The following SCFD2 variants were observed in gnomAD, a reference collection of about 807,000 sequenced individuals.
The protein encoded by SCFD2 is sec1 family domain containing 2.
Under a neutral mutation model 58.9 loss-of-function variants are expected in SCFD2, and 54 were observed. The ratio of observed to expected loss-of-function variants is 0.92; its 90% confidence interval spans 0.74 to 1.15. SCFD2 has a LOEUF of 1.15. Among genes scored for constraint, SCFD2 ranks in the 50% most tolerant of loss-of-function variants. The pLI is 0.00. For synonymous variants in SCFD2, 321 were observed against 335.9 expected (o/e 0.96, Z 0.49); for missense variants, 805 against 836.6 (o/e 0.96, Z 0.47).
chr4:53,297,463 G>A (rs561495484), intron 3 of SCFD2, among the ~76,000 whole-genome samples: 36 of 146,104 alleles, frequency 2.5e-4, no homozygotes, highest in Middle Eastern at 3.5e-3. Flanking sequence ...GCAACCCTTG[G>A]TTTTTTTTTT....
chr4:52,977,969 G>A (rs1577874995), intron 5 of SCFD2, among the ~76,000 whole-genome samples: 2 of 152,174 alleles, frequency 1.3e-5, no homozygotes, highest in East Asian at 3.9e-4. Context: ...GATTCAGGGT[G>A]ATTTTATTAC....
chr4:53,055,407 T>C (rs1312962090), intron 5 of SCFD2, among the ~76,000 whole-genome samples: 5 of 152,158 alleles, frequency 3.3e-5, no homozygotes, highest in South Asian at 2.1e-4. Flanking sequence ...TGTTCACTTA[T>C]AGCATTTAAA....
intron 4 of SCFD2, among the ~76,000 whole-genome samples, chr4:53,193,962 C>T (rs954307199): frequency 9.2e-5 from 14 of 152,200 alleles, no homozygotes; most frequent in Non-Finnish European, 1.5e-4. Context: ...GTTACTCTGG[C>T]GATCAGCATC....
intron 4 of SCFD2, among the ~76,000 whole-genome samples, chr4:53,210,051 T>C (rs540823238): frequency 1.3e-5 from 2 of 152,242 alleles, no homozygotes; most frequent in South Asian, 4.1e-4. Context: ...ACTTCAACTA[T>C]AGTTTTAATT....
At chr4:52,944,172 A>G (rs149546576) in intron 5 of SCFD2, among the ~76,000 whole-genome samples, 5 of 152,256 alleles carry the variant, frequency 3.3e-5, no homozygotes, top group African/African-American at 1.2e-4. Context: ...TGACCTCTCA[A>G]TATTTATTTT....
intron 3 of SCFD2, among the ~76,000 whole-genome samples, chr4:53,292,118 C>A (rs1186686277): frequency 1.3e-5 from 2 of 151,896 alleles, no homozygotes; most frequent in African/African-American, 2.4e-5. Context: ...CTAGGCAATA[C>A]CATTCAGCAC....
intron 3 of SCFD2, among the ~76,000 whole-genome samples, chr4:53,295,710 G>C (rs1432076289): frequency 6.6e-6 from 1 of 152,156 alleles, no homozygotes; most frequent in Non-Finnish European, 1.5e-5. Flanking sequence ...TACTTGTCTT[G>C]TGTTGGCTTT....
intron 1 of SCFD2, 68 bp from the exon 2 acceptor site, chr4:53,352,834 T>TA (rs1734271240): frequency 7.7e-7 from 1 of 1,298,692 alleles, no homozygotes; most frequent in Admixed American, 1.8e-5. Flanking sequence ...ATAAATGTTT[T>TA]ATCACACACC....
intron 3 of SCFD2, among the ~76,000 whole-genome samples, chr4:53,300,421 C>A (rs927142007): frequency 1.3e-5 from 2 of 152,118 alleles, no homozygotes; most frequent in Non-Finnish European, 2.9e-5. Flanking sequence ...TATATGCACC[C>A]AATACAGGAG....
At chr4:53,147,175 C>T (rs535004493) in intron 4 of SCFD2, among the ~76,000 whole-genome samples, 21 of 152,048 alleles carry the variant, frequency 1.4e-4, no homozygotes, top group Middle Eastern at 3.4e-3. Flanking sequence ...TTTTAATGCT[C>T]AAAGAAGAAA....
At chr4:53,334,105 G>A (rs1417319900) in intron 2 of SCFD2, among the ~76,000 whole-genome samples, 8 of 152,244 alleles carry the variant, frequency 5.3e-5, no homozygotes, top group Admixed American at 2.0e-4. Context: ...GAAACAACAC[G>A]TGCTGGAGAG....
chr4:52,894,984 G>A (rs1162623735), intron 7 of SCFD2, among the ~76,000 whole-genome samples: 3 of 152,148 alleles, frequency 2.0e-5, no homozygotes, highest in African/African-American at 7.2e-5. Context: ...GCCTTTCTGG[G>A]CTCACTTATT....
At chr4:53,321,661 G>A (rs1010913033) in intron 2 of SCFD2, among the ~76,000 whole-genome samples, 2 of 152,142 alleles carry the variant, frequency 1.3e-5, no homozygotes, top group African/African-American at 4.8e-5. Flanking sequence ...TGAGGGGTGA[G>A]CTTAATGAGC....
At chr4:53,254,336 G>A (rs1730516509) in intron 4 of SCFD2, among the ~76,000 whole-genome samples, 1 of 152,078 alleles carries the variant, frequency 6.6e-6, no homozygotes. Context: ...TAAGTGCCTG[G>A]CAGCGTTTCC....
At chr4:53,052,311 A>G (rs1178122404) in intron 5 of SCFD2, among the ~76,000 whole-genome samples, 1 of 152,140 alleles carries the variant, frequency 6.6e-6, no homozygotes, top group East Asian at 1.9e-4. Flanking sequence ...ATTCCTGCTC[A>G]TCTTTCAGTT....
intron 5 of SCFD2, among the ~76,000 whole-genome samples, chr4:52,947,968 CAAAAA>C (rs34494471): frequency 2.8e-5 from 1 of 35,210 alleles, no homozygotes; most frequent in Non-Finnish European, 5.8e-5. Flanking sequence ...AAAAATAGGC[CAAAAA>C]AAAAAAAAAA....
At chr4:53,023,137 T>C (rs1171794537) in intron 5 of SCFD2, among the ~76,000 whole-genome samples, 3 of 152,176 alleles carry the variant, frequency 2.0e-5, no homozygotes, top group Non-Finnish European at 2.9e-5. Context: ...GGTACGTGGG[T>C]CTAAATGTAA....
At chr4:53,048,550 A>G (rs1441820313) in intron 5 of SCFD2, among the ~76,000 whole-genome samples, 2 of 152,194 alleles carry the variant, frequency 1.3e-5, no homozygotes, top group Non-Finnish European at 2.9e-5. Context: ...AGCCTAGGAA[A>G]CATAGGGAGA....
At chr4:53,265,629 T>C (rs1730962137) in intron 4 of SCFD2, 1 of 152,158 alleles carries the variant, frequency 6.6e-6, no homozygotes, top group Non-Finnish European at 1.5e-5. Flanking sequence ...GGTCAGTTGT[T>C]TCATTCTCTT....
Sources: allele counts gnomAD v4.1 joint callset (sites outside exome capture counted in the v4.1 genomes callset), GRCh38; gene constraint gnomAD v4.1.1; transcripts MANE v1.5; gene names NCBI Gene and HGNC (gene_info 2026-07-23, HGNC 2026-07-21).